Variants in MTHFD1L observed in about 807,000 individuals in gnomAD.
The protein encoded by MTHFD1L is methylenetetrahydrofolate dehydrogenase (NADP+ dependent) 1 like.
A neutral mutation model predicts 119.5 loss-of-function variants in MTHFD1L; 81 were observed. That is an observed-to-expected ratio of 0.68 (90% CI 0.57 to 0.82). The LOEUF (loss-of-function observed/expected upper bound fraction) is 0.82, where lower values mean the gene tolerates loss of function less well. MTHFD1L is among the 40% of genes least tolerant of loss of function. The pLI, the probability that MTHFD1L is intolerant of heterozygous loss-of-function variation, is 0.00. For missense variants in MTHFD1L, 1,125 were observed against 1,253.4 expected, an observed-to-expected ratio of 0.90 and a Z score of 1.55; for synonymous variants, 430 against 475.2, an observed-to-expected ratio of 0.90 and a Z score of 1.24.
intron 26 of MTHFD1L, among the ~76,000 whole-genome samples, chr6:151,066,163 G>A (rs1412318961): frequency 6.6e-6 from 1 of 152,182 alleles, no homozygotes; most frequent in Non-Finnish European, 1.5e-5. Flanking sequence ...GAGGCTGGGC[G>A]CGGTGGCTTA....
chr6:150,995,674 C>A (rs540251242), intron 20 of MTHFD1L, among the ~76,000 whole-genome samples: 1 of 151,776 alleles, frequency 6.6e-6, no homozygotes, highest in Non-Finnish European at 1.5e-5. Context: ...TAACATATTT[C>A]TTTTGTTTTG....
At chr6:151,015,292 T>A (rs1782884288) in intron 23 of MTHFD1L, among the ~76,000 whole-genome samples, 1 of 150,844 alleles carries the variant, frequency 6.6e-6, no homozygotes, top group Non-Finnish European at 1.5e-5. Context: ...GTTATGGAAT[T>A]TTCTTGATAA....
At chr6:150,942,811 G>C (rs1177918201) in intron 13 of MTHFD1L, among the ~76,000 whole-genome samples, 1 of 151,860 alleles carries the variant, frequency 6.6e-6, no homozygotes, top group Non-Finnish European at 1.5e-5. Context: ...ATTTTAACAA[G>C]AAAATATTTA....
chr6:150,888,042 G>C, intron 7 of MTHFD1L, 61 bp downstream of exon 7: 1 of 1,497,732 alleles, frequency 6.7e-7, no homozygotes, highest in African/African-American at 1.4e-5. Context: ...AGAAAGTCTA[G>C]AAATGTATAA....
chr6:150,877,771 A>G lies in MTHFD1L; in HGVS notation c.364-2A>G. The G allele has an allele frequency of 2.5e-6, 4 of 1,614,184 alleles. No homozygotes were observed. The highest frequency in any genetic ancestry group is 2.2e-5 in the East Asian group (1 of 44,880). ...ACGAATAACCTTGTGTTCCTTTTTC[A>G]GGCTGGTCTGAACATCACTCACATT... On this transcript the variant is annotated splice_acceptor_variant, in intron 3 of 27. Coordinates refer to ENST00000367321, the MANE Select transcript of MTHFD1L (RefSeq NM_015440.5). LOFTEE classifies it high-confidence loss of function.
chr6:151,007,410 A>C (rs1781559458), intron 20 of MTHFD1L, among the ~76,000 whole-genome samples: 1 of 152,210 alleles, frequency 6.6e-6, no homozygotes, highest in Non-Finnish European at 1.5e-5. Context: ...TAGGAATTCA[A>C]TATGATTTTT....
chr6:150,951,579 G>A (rs1398105193), intron 16 of MTHFD1L, among the ~76,000 whole-genome samples: 4 of 152,010 alleles, frequency 2.6e-5, no homozygotes, highest in Non-Finnish European at 5.9e-5. Flanking sequence ...TGTTGTAATG[G>A]CCATTTTAAA....
intron 20 of MTHFD1L, among the ~76,000 whole-genome samples, chr6:150,987,509 T>A (rs1396312420): frequency 6.6e-6 from 1 of 152,220 alleles, no homozygotes; most frequent in Non-Finnish European, 1.5e-5. Context: ...ATTCAGTTGC[T>A]CAAACAACAC....
At position 150,893,473 on chromosome 6, in the gene MTHFD1L, A is replaced by G. The variant is rs186899528; in HGVS notation, c.780+5492A>G. On this transcript the variant is annotated intron_variant, in intron 7 of 27. Transcript: ENST00000367321. The stretch of plus-strand genomic sequence containing the variant: ...TTGGCAATGGTAAAAGAGTTAAGGA[A>G]AAAAGAGAATAAGCTTAGGATTATG... Among the ~76,000 whole-genome samples, 31 of 152,276 alleles carry G rather than the reference A, an allele frequency of 2.0e-4. 1 individual carries two copies. The East Asian group carries it at 6.0e-3, about 29-fold the overall frequency.
intron 8 of MTHFD1L, among the ~76,000 whole-genome samples, chr6:150,917,299 A>G (rs909641001): frequency 3.2e-4 from 48 of 152,086 alleles, no homozygotes; most frequent in Non-Finnish European, 6.5e-4. Context: ...CGAGGTGGGC[A>G]GATCACTGAG....
chr6:150,907,282 T>C (rs1786079539), intron 8 of MTHFD1L, among the ~76,000 whole-genome samples: 1 of 152,186 alleles, frequency 6.6e-6, no homozygotes, highest in Non-Finnish European at 1.5e-5. Flanking sequence ...TTAGTGAAAG[T>C]GCTTTATTTT....
intron 26 of MTHFD1L, 85 bp from the exon 27 acceptor site, chr6:151,092,382 G>C: frequency 9.9e-7 from 1 of 1,005,212 alleles, no homozygotes; most frequent in Non-Finnish European, 1.5e-6. Flanking sequence ...AGGCTGTATT[G>C]AACGATAGAG....
intron 2 of MTHFD1L, 73 bp downstream of exon 2, chr6:150,876,247 G>T: frequency 8.2e-7 from 1 of 1,212,830 alleles, no homozygotes; most frequent in Non-Finnish European, 1.1e-6. Context: ...GTATACAAAA[G>T]AGCAGCTGCA....
intron 4 of MTHFD1L, 151 bp from the exon 5 acceptor site, chr6:150,882,611 A>G (rs1781553474): frequency 1.9e-6 from 1 of 533,782 alleles, no homozygotes; most frequent in South Asian, 4.3e-5. Flanking sequence ...GCTTTTTATT[A>G]TGCTTTACAC....
intron 26 of MTHFD1L, among the ~76,000 whole-genome samples, chr6:151,075,932 G>A (rs986813814): frequency 7.9e-5 from 12 of 152,126 alleles, no homozygotes; most frequent in Admixed American, 5.9e-4. Flanking sequence ...AGAAAATAAC[G>A]CTTTTAAAAG....
At position 151,034,742 on chromosome 6, in the gene MTHFD1L, C is replaced by T. The variant is rs565684019; in HGVS notation, c.2694+142C>T. The T allele has an allele frequency of 3.5e-4, 232 of 656,262 alleles. No individual in the cohort carries two copies. The African/African-American group carries it at 3.7e-3, about 10-fold the overall frequency. The allele number at this position is 656,262 out of a possible 1,614,324, so 40.7% of individuals were successfully genotyped here. On this transcript the variant is annotated intron_variant, in intron 25 of 27. Coordinates refer to ENST00000367321, the MANE Select transcript of MTHFD1L (RefSeq NM_015440.5). ...TGGTTAACAAAGATGAAGGTAATAT[C>T]CTCGGGTAGAGTGTAGACTATATTT...
At chr6:151,064,789 G>GTTTTTTTTTTTTTTTT (rs63491461) in intron 26 of MTHFD1L, among the ~76,000 whole-genome samples, 3 of 147,796 alleles carry the variant, frequency 2.0e-5, no homozygotes, top group Non-Finnish European at 1.5e-5. Context: ...TTCTTTTTTT[G>GTTTTTTTTTTTTTTTT]TTTTTTTTTT....
At chr6:150,974,905 T>C (rs1435062958) in intron 20 of MTHFD1L, among the ~76,000 whole-genome samples, 2 of 149,148 alleles carry the variant, frequency 1.3e-5, no homozygotes, top group Non-Finnish European at 1.5e-5. Flanking sequence ...CCCAGCTAAT[T>C]TTTGTATTTT....
intron 1 of MTHFD1L, among the ~76,000 whole-genome samples, chr6:150,867,821 G>T (rs1480928136): frequency 7.4e-6 from 1 of 134,286 alleles, no homozygotes; most frequent in African/African-American, 2.9e-5. Flanking sequence ...TTTTTGAGAC[G>T]GAGTCTTGCT....
Sources: allele counts gnomAD v4.1 joint callset (sites outside exome capture counted in the v4.1 genomes callset), GRCh38; gene constraint gnomAD v4.1.1; transcripts MANE v1.5; gene names NCBI Gene and HGNC (gene_info 2026-07-23, HGNC 2026-07-21).